Variants in SLC5A4 observed in about 807,000 individuals in gnomAD.
SLC5A4 encodes solute carrier family 5 member 4.
Under a neutral mutation model 70.3 loss-of-function variants are expected in SLC5A4, and 55 were observed. The observed-to-expected ratio is 0.78, with a 90% confidence interval of 0.63 to 0.98. The LOEUF is 0.98. Ranked by LOEUF, SLC5A4 falls within the 50% of genes least tolerant of loss-of-function variation. The probability of loss-of-function intolerance (pLI) is 0.00; values close to 1 mark genes in which losing one functional copy is unlikely to be tolerated. For synonymous variants in SLC5A4, 268 were observed against 305.7 expected (o/e 0.88, Z 1.29); for missense variants, 735 against 839.2 (o/e 0.88, Z 1.53).
intron 11 of SLC5A4, among the ~76,000 whole-genome samples, chr22:32,226,077 A>T (rs1925380662): frequency 6.6e-6 from 1 of 152,248 alleles, no homozygotes; most frequent in Non-Finnish European, 1.5e-5. Context: ...AAAAATAGTT[A>T]AAATATCAGT....
chr22:32,244,472 T>C (rs2145688585), intron 5 of SLC5A4, among the ~76,000 whole-genome samples: 1 of 152,364 alleles, frequency 6.6e-6, no homozygotes, highest in South Asian at 2.1e-4. Context: ...TATTATATAG[T>C]ACTATTAAGG....
At chr22:32,351,727 G>A in the SLC5A4 span, among the ~76,000 whole-genome samples, 2 of 60,580 alleles carry the variant, frequency 3.3e-5, no homozygotes, top group Non-Finnish European at 5.7e-5. Context: ...TGGGGGGAGG[G>A]TGGGGGCGGT....
the SLC5A4 span, chr22:32,343,074 A>C: frequency 6.6e-6 from 1 of 152,154 alleles, no homozygotes; most frequent in African/African-American, 2.4e-5. Context: ...GCGGCCTTCT[A>C]ATACTCTCTC....
At chr22:32,246,928 T>G (rs562701813) in intron 5 of SLC5A4, among the ~76,000 whole-genome samples, 1 of 152,328 alleles carries the variant, frequency 6.6e-6, no homozygotes, top group African/African-American at 2.4e-5. Flanking sequence ...TTAGATAGAG[T>G]GAACTTAAGA....
At chr22:32,254,894 C>A (rs899381319) in intron 1 of SLC5A4, among the ~76,000 whole-genome samples, 8 of 151,906 alleles carry the variant, frequency 5.3e-5, no homozygotes, top group African/African-American at 1.9e-4. Context: ...AGAAAGTGAG[C>A]AAACAACAAA....
At chr22:32,306,764 GC>G in the SLC5A4 span, among the ~76,000 whole-genome samples, 35 of 152,106 alleles carry the variant, frequency 2.3e-4, no homozygotes, top group Non-Finnish European at 4.0e-4. Flanking sequence ...CACCCTTGCA[GC>G]CCCCCACCTC....
the SLC5A4 span, among the ~76,000 whole-genome samples, chr22:32,316,696 ATTT>A: frequency 2.7e-5 from 4 of 148,188 alleles, no homozygotes; most frequent in Admixed American, 6.7e-5. Flanking sequence ...TGCTCGGCTA[ATTT>A]TTTTTTTTTT....
chr22:32,233,149 CA>C, intron 8 of SLC5A4, 115 bp from the exon 9 acceptor site: 13 of 1,121,658 alleles, frequency 1.2e-5, no homozygotes, highest in African/African-American at 1.5e-5. Context: ...ACCAGTATAC[CA>C]AAGAGCTATC....
At chr22:32,245,518 AT>A (rs1318494467) in intron 5 of SLC5A4, among the ~76,000 whole-genome samples, 1 of 152,004 alleles carries the variant, frequency 6.6e-6, no homozygotes, top group Non-Finnish European at 1.5e-5. Context: ...TTAAATAAAA[AT>A]TTTATTTATC....
intron 1 of SLC5A4, 116 bp from the exon 2 acceptor site, chr22:32,254,329 A>G (rs1603237519): frequency 2.8e-6 from 2 of 710,710 alleles, no homozygotes; most frequent in South Asian, 3.1e-5. Context: ...AGAGAGAAAC[A>G]TTTCGCTGGA....
At chr22:32,224,173 G>A (rs1168353119) in intron 13 of SLC5A4, 94 bp downstream of exon 13, 1 of 910,248 alleles carries the variant, frequency 1.1e-6, no homozygotes, top group Non-Finnish European at 1.8e-6. Flanking sequence ...GCCCGCCTTG[G>A]CCTCCCAAAG....
the SLC5A4 span, among the ~76,000 whole-genome samples, chr22:32,353,041 C>T: frequency 6.6e-6 from 1 of 152,210 alleles, no homozygotes; most frequent in African/African-American, 2.4e-5. Context: ...AGAGTGGTAG[C>T]GTTAGAGCCT....
the SLC5A4 span, among the ~76,000 whole-genome samples, chr22:32,289,623 C>T: frequency 6.6e-6 from 1 of 152,212 alleles, no homozygotes; most frequent in Non-Finnish European, 1.5e-5. Flanking sequence ...CGTGTGCCAC[C>T]ATGTGCCACC....
intron 8 of SLC5A4, among the ~76,000 whole-genome samples, chr22:32,233,600 A>G (rs913188575): frequency 1.2e-4 from 19 of 152,182 alleles, no homozygotes; most frequent in Admixed American, 1.2e-3. Context: ...CCAGACTGTG[A>G]GAGGGCAAAG....
chr22:32,301,743 A>G, the SLC5A4 span, among the ~76,000 whole-genome samples: 1 of 152,170 alleles, frequency 6.6e-6, no homozygotes, highest in Admixed American at 6.6e-5. Flanking sequence ...GAAGACTCAG[A>G]CTTCCCAGTT....
At chr22:32,308,123 T>G in the SLC5A4 span, among the ~76,000 whole-genome samples, 1 of 152,158 alleles carries the variant, frequency 6.6e-6, no homozygotes, top group Non-Finnish European at 1.5e-5. Context: ...TGGAGTGCAC[T>G]GGTACGATCT....
the SLC5A4 span, among the ~76,000 whole-genome samples, chr22:32,312,217 G>C: frequency 6.6e-6 from 1 of 152,082 alleles, no homozygotes; most frequent in South Asian, 2.1e-4. Flanking sequence ...TGTACCCTGT[G>C]CTTAGCAAGA....
the SLC5A4 span, chr22:32,354,977 G>C: frequency 6.6e-6 from 1 of 152,284 alleles, no homozygotes; most frequent in African/African-American, 2.4e-5. Flanking sequence ...CCAGACTCCA[G>C]TGTGCTCAGG....
chr22:32,251,925 ACTT>A, intron 2 of SLC5A4, 51 bp from the exon 3 acceptor site: 4 of 1,363,462 alleles, frequency 2.9e-6, no homozygotes, highest in Non-Finnish European at 4.2e-6. Flanking sequence ...TCCAAATCAG[ACTT>A]CTTGAAAATA....
Sources: gnomAD v4.1 joint callset for allele counts (sites outside exome capture counted in the v4.1 genomes callset) on GRCh38, gnomAD v4.1.1 for gene constraint, MANE v1.5 for transcripts, NCBI Gene and HGNC (gene_info 2026-07-23, HGNC 2026-07-21) for gene names.